CDK11B: variants seen among roughly 807,000 people sequenced by gnomAD.
The protein encoded by CDK11B is cyclin dependent kinase 11B.
CDK11B carries 37 observed loss-of-function variants against 84.0 expected under a neutral mutation model. The observed-to-expected ratio is 0.44, with a 90% CI of 0.34 to 0.58. The LOEUF (loss-of-function observed/expected upper bound fraction) is 0.58, where lower values mean the gene tolerates loss of function less well. Among genes scored for constraint, CDK11B ranks in the 20% least tolerant of loss-of-function variants. The pLI is 0.02. For missense variants in CDK11B, 427 were observed against 834.0 expected (o/e 0.51, Z 6.01); for synonymous variants, 269 against 309.8 (o/e 0.87, Z 1.38).
intron 4 of CDK11B, among the ~76,000 whole-genome samples, chr1:1,650,586 T>C (rs1641873135): frequency 6.6e-6 from 1 of 150,860 alleles, no homozygotes; most frequent in Admixed American, 6.6e-5. Flanking sequence ...AGGATGGTCT[T>C]GATGTTCTGA....
At chr1:1,650,836 A>G (rs1198291166) in intron 4 of CDK11B, among the ~76,000 whole-genome samples, 182 of 152,080 alleles carry the variant, frequency 1.2e-3, no homozygotes, top group African/African-American at 4.4e-3. Context: ...TTTGAAAATA[A>G]AAAACTATCT....
intron 4 of CDK11B, among the ~76,000 whole-genome samples, chr1:1,651,782 G>A (rs1397389651): frequency 2.0e-5 from 3 of 150,242 alleles, no homozygotes; most frequent in South Asian, 2.1e-4. Flanking sequence ...TGTAACACAC[G>A]CACGCTTTCA....
chr1:1,656,839 AT>A (rs1309413406), intron 2 of CDK11B, among the ~76,000 whole-genome samples: 1 of 152,236 alleles, frequency 6.6e-6, no homozygotes, highest in African/African-American at 2.4e-5. Flanking sequence ...AAAAATTTCA[AT>A]ATCTGTGAAG....
intron 3 of CDK11B, among the ~76,000 whole-genome samples, chr1:1,654,497 G>A (rs1007237101): frequency 7.2e-5 from 11 of 152,056 alleles, no homozygotes; most frequent in Non-Finnish European, 1.3e-4. Context: ...TGCCCAGGCT[G>A]GTCTTGAACT....
At position 1,655,479 on chromosome 1, in the gene CDK11B, A is replaced by G. The variant is rs1272237248; in HGVS notation, c.117T>C (p.Asp39=). 4 of 1,609,632 alleles carry G rather than the reference A, an allele frequency of 2.5e-6. No homozygotes were observed. The highest frequency in any genetic ancestry group is 3.4e-6 in the Non-Finnish European group (4 of 1,176,426). ...GGGAATCCCGCTTGGAATCCCGGTC[A>G]TCAGACTAAGAAGCAAAGAGAAAGT... ...KAEIKRLKNS[D]DRDSKRDSLE... is the part of the protein sequence containing the mutation. Residue 39 remains aspartate, a synonymous_variant, in exon 3 of 20, where the codon GAT becomes GAC. Coordinates refer to ENST00000341832, the MANE Select transcript of CDK11B (RefSeq NM_033486.3).
In CDK11B at chr1:1,650,374, T is replaced by TTC. The variant is rs1489023980; in HGVS notation, c.356-738_356-737insGA. ...ATCCTAATTTTTCTTTTTTTTCTTTTTTTTTTTTGGAGATGGAGTCTTGCT... is the reference window on the plus strand; with the variant it reads ...ATCCTAATTTTTCTTTTTTTTCTTTTTCTTTTTTTTGGAGATGGAGTCTTGCT... On this transcript the variant is annotated intron_variant, in intron 4 of 19. Coordinates refer to ENST00000341832, the MANE Select transcript of CDK11B (RefSeq NM_033486.3). Among the ~76,000 whole-genome samples, 5 of 147,064 alleles carry TTC rather than the reference T, an allele frequency of 3.4e-5. 1 individual carries two copies. Among genetic ancestry groups the TTC allele is most frequent in the African/African-American group, 1.3e-4 (5 of 39,560 alleles).
In CDK11B at chr1:1,636,754, G is replaced by A. The variant is rs367817446; in HGVS notation, c.1845C>T (p.Phe615=). The A allele has an allele frequency of 8.0e-5, 129 of 1,613,904 alleles. No homozygotes were observed. The highest frequency in any genetic ancestry group is 2.9e-4 in the East Asian group (13 of 44,866). The change falls in exon 17 of 20, where the codon TTC becomes TTT. Residue 615 remains phenylalanine (F), a synonymous_variant. Coordinates refer to ENST00000341832, the MANE Select transcript of CDK11B (RefSeq NM_033486.3). Reference sequence around the variant, plus strand: ...GAGGCTTCTGAGTCAGCAGCTCCCCGAAGATGCAACCCACTGACCACATGT... The same window carrying A: ...GAGGCTTCTGAGTCAGCAGCTCCCCAAAGATGCAACCCACTGACCACATGT... ...AVDMWSVGCI[F]GELLTQKPLF... is the part of the protein sequence containing the mutation.
Position 1,655,405 on chromosome 1 carries a change from T to C in CDK11B, c.191A>G (p.Asn64Ser). 2 of 1,613,292 alleles carry C rather than the reference T, an allele frequency of 1.2e-6. No homozygotes were observed. Among genetic ancestry groups the C allele is most frequent in the South Asian group, 2.2e-5 (2 of 91,026 alleles). The change falls in exon 3 of 20, where the codon AAC becomes AGC. Residue 64 changes from asparagine (N) to serine (S), a missense_variant. Asn to Ser is a conservative substitution (Grantham distance 46). Transcript: ENST00000341832. ...RDHRMEITIR[N>S]SPYRREDSME... is the part of the protein sequence containing the mutation. ...AGAGTCTTCTCTTCTATACGGGGAGTTCCTTATTGTGATCTCCATGCGGTG... is the reference window on the plus strand; with the variant it reads ...AGAGTCTTCTCTTCTATACGGGGAGCTCCTTATTGTGATCTCCATGCGGTG...
intron 3 of CDK11B, among the ~76,000 whole-genome samples, chr1:1,653,051 G>A (rs1161461688): frequency 6.6e-6 from 1 of 151,012 alleles, no homozygotes; most frequent in African/African-American, 2.4e-5. Context: ...ACGGAGTCTC[G>A]CTCTGTTGCC....
intron 1 of CDK11B, 70 bp from the exon 2 acceptor site, chr1:1,657,568 G>C (rs1220436839): frequency 3.6e-6 from 4 of 1,115,424 alleles, no homozygotes; most frequent in Non-Finnish European, 5.0e-6. Flanking sequence ...CTTGAACCTA[G>C]TCACTTTTGA....
In CDK11B at chr1:1,637,389, C is replaced by G; in HGVS notation, c.1570+19G>C. 1.2e-6 allele frequency: 2 copies of G among 1,610,634 alleles called. No homozygotes were observed. The highest frequency in any genetic ancestry group is 1.7e-6 in the Non-Finnish European group (2 of 1,178,414). ...TGCCCCCACTTGTACGCAGACAGGC[C>G]CCTGGGGCGCGGCTGTACCTGGCAG... On this transcript the variant is annotated intron_variant, in intron 14 of 19. Coordinates refer to ENST00000341832, the MANE Select transcript of CDK11B (RefSeq NM_033486.3).
chr1:1,657,104 T>C (rs529644105), intron 2 of CDK11B, among the ~76,000 whole-genome samples: 1 of 151,540 alleles, frequency 6.6e-6, no homozygotes, highest in East Asian at 1.9e-4. Context: ...CGAGAAAAAT[T>C]AGTCCAGTTT....
rs1639278634 is a variant in CDK11B at position 1,636,342 on chromosome 1, A to G, written c.2057T>C (p.Leu686Pro). 1 of 1,572,558 alleles carries G rather than the reference A, an allele frequency of 6.4e-7. No homozygotes were observed. The change falls in exon 18 of 20, where the codon CTC (leucine) becomes CCC (proline). Residue 686 changes from leucine to proline, a missense_variant. Leu to Pro is a moderately conservative substitution (Grantham distance 98, BLOSUM62 -3). This residue lies in a region of CDK11B where 170 missense variants were observed against 196.0 expected (regional missense o/e 0.87). Coordinates refer to ENST00000341832, the MANE Select transcript of CDK11B (RefSeq NM_033486.3). Reference protein sequence around the residue: ...GALLSDQGFDLMNKFLTYFPG... With the variant: ...GALLSDQGFDPMNKFLTYFPG... The stretch of plus-strand genomic sequence containing the variant: ...GCTGCACTGGGCTCACTTGTTCATG[A>G]GGTCGAAGCCCTGGTCTGAGAGCAG...
chr1:1,653,704 C>T (rs1642313973), intron 3 of CDK11B, among the ~76,000 whole-genome samples: 1 of 151,646 alleles, frequency 6.6e-6, no homozygotes, highest in East Asian at 2.0e-4. Context: ...ACAATTTTGG[C>T]TGGGTGCAGT....
chr1:1,655,881 C>A lies in CDK11B; in HGVS notation c.112-397G>T, dbSNP rs1210095061. On this transcript the variant is annotated intron_variant, in intron 2 of 19. Coordinates refer to ENST00000341832, the MANE Select transcript of CDK11B (RefSeq NM_033486.3). ...CTGGCGACAGAGTTAGACTCCGTAT[C>A]AGGGAAAACAAACAAACAAACAAAC... 2.6e-5 allele frequency among the ~76,000 whole-genome samples: 4 copies of A among 151,334 alleles called. No homozygotes were observed. The East Asian group carries it at 8.2e-4, about 31-fold the overall frequency.
In CDK11B at chr1:1,641,758, T is replaced by TA. The variant is rs1419966164; in HGVS notation, c.912_913insT (p.Ser305Ter). 2 of 724,474 alleles carry TA rather than the reference T, an allele frequency of 2.8e-6. No homozygotes were observed. The highest frequency in any genetic ancestry group is 4.5e-6 in the Non-Finnish European group (2 of 443,630). The allele number at this position is 724,474 out of a possible 1,614,324, so 44.9% of individuals were successfully genotyped here. On this transcript the variant is annotated frameshift_variant, in exon 9 of 20. Coordinates refer to ENST00000341832, the MANE Select transcript of CDK11B (RefSeq NM_033486.3). LOFTEE classifies it high-confidence loss of function. ...TCCTCCTCTGATTCTTCACTGGTGC[T>TA]CCCTTCCTCCTCCTCCTCTTCCTCC...
intron 3 of CDK11B, chr1:1,654,183 T>C (rs552861104): frequency 2.2e-6 from 1 of 462,388 alleles, no homozygotes; most frequent in East Asian, 6.5e-5. Flanking sequence ...TAATACCTGA[T>C]GACGTATACG....
At chr1:1,639,311 G>A (rs1390715730) in intron 11 of CDK11B, among the ~76,000 whole-genome samples, 3 of 151,826 alleles carry the variant, frequency 2.0e-5, no homozygotes, top group Non-Finnish European at 4.4e-5. Context: ...CAGCTACTCA[G>A]GAGGCTGAAA....
Position 1,649,482 on chromosome 1 carries a change from T to G in CDK11B, c.494+17A>C. Reference sequence around the variant, plus strand: ...ACAGCCCTTTTATAAAGTCCTCAACTGACCCAGCCGACTCACCTTTCTCTC... The same window carrying G: ...ACAGCCCTTTTATAAAGTCCTCAACGGACCCAGCCGACTCACCTTTCTCTC... On this transcript the variant is annotated intron_variant, in intron 5 of 19. Coordinates refer to ENST00000341832, the MANE Select transcript of CDK11B (RefSeq NM_033486.3). 6.5e-7 allele frequency: 1 copy of G among 1,546,406 alleles called. No homozygotes were observed. Among genetic ancestry groups the G allele is most frequent in the Non-Finnish European group, 8.9e-7 (1 of 1,119,288 alleles).
Sources: allele counts gnomAD v4.1 joint callset (sites outside exome capture counted in the v4.1 genomes callset), GRCh38; gene constraint gnomAD v4.1.1; regional missense constraint gnomAD v4.1.1; transcripts MANE v1.5; gene names NCBI Gene and HGNC (gene_info 2026-07-23, HGNC 2026-07-21).